The following SLC39A11 variants were observed in gnomAD, a reference collection of about 807,000 sequenced individuals.
SLC39A11 encodes zinc transporter ZIP11.
Under a neutral mutation model 36.1 loss-of-function variants are expected in SLC39A11, and 33 were observed. The observed-to-expected ratio is 0.91, with a 90% CI of 0.69 to 1.22. SLC39A11 has a LOEUF of 1.22. Ranked by LOEUF, SLC39A11 falls within the 50% of genes most tolerant of loss-of-function variation. The probability of loss-of-function intolerance (pLI) is 0.00; values close to 1 mark genes in which losing one functional copy is unlikely to be tolerated. For missense variants in SLC39A11, 432 were observed against 430.3 expected (o/e 1.00, Z -0.03); for synonymous variants, 166 against 170.3 (o/e 0.97, Z 0.20).
At chr17:72,942,035 C>G (rs375136836) in intron 5 of SLC39A11, among the ~76,000 whole-genome samples, 65 of 150,674 alleles carry the variant, frequency 4.3e-4, no homozygotes, top group African/African-American at 1.5e-3. Flanking sequence ...CATGTGCCAC[C>G]ACGCCTGGCT....
chr17:72,940,629 C>T lies in SLC39A11; in HGVS notation c.430+7123G>A, dbSNP rs1252586950. 2.0e-5 allele frequency among the ~76,000 whole-genome samples: 3 copies of T among 152,300 alleles called. No individual in the cohort carries two copies. The East Asian group carries it at 5.8e-4, about 29-fold the overall frequency. ...AGTAACTTTTCAACTTCATTCTACTCTTTTTTCATCCTGCATAGTCTGCAT... is the reference window on the plus strand; with the variant it reads ...AGTAACTTTTCAACTTCATTCTACTTTTTTTTCATCCTGCATAGTCTGCAT... On this transcript the variant is annotated intron_variant, in intron 5 of 9. Transcript: ENST00000255559.
chr17:73,051,251 T>C (rs1032776606), intron 3 of SLC39A11, among the ~76,000 whole-genome samples: 1 of 152,158 alleles, frequency 6.6e-6, no homozygotes, highest in Non-Finnish European at 1.5e-5. Flanking sequence ...CCTCTTCTTA[T>C]AAGGACACCA....
At chr17:72,648,736 A>C (rs982699118) in intron 9 of SLC39A11, 67 bp downstream of exon 9, 2 of 1,589,868 alleles carry the variant, frequency 1.3e-6, no homozygotes. Flanking sequence ...AAGAAAGAGC[A>C]TATCCCAAGG....
intron 4 of SLC39A11, among the ~76,000 whole-genome samples, chr17:72,998,307 C>G (rs924479022): frequency 2.4e-4 from 37 of 152,254 alleles, no homozygotes; most frequent in African/African-American, 8.9e-4. Context: ...GTCTGAAATG[C>G]ATGCCCCACC....
chr17:73,023,897 A>G (rs965273846), intron 4 of SLC39A11, among the ~76,000 whole-genome samples: 5 of 152,224 alleles, frequency 3.3e-5, no homozygotes, highest in African/African-American at 4.8e-5. Flanking sequence ...CACAGAGGCA[A>G]GACTGTGTGA....
chr17:72,716,411 G>A (rs556913889), intron 7 of SLC39A11, among the ~76,000 whole-genome samples: 6 of 151,632 alleles, frequency 4.0e-5, no homozygotes, highest in South Asian at 4.2e-4. Flanking sequence ...CGTGTTTCCC[G>A]TGACAAAGGC....
Position 72,986,002 on chromosome 17 carries a change from A to C in SLC39A11, c.307-38127T>G, listed in dbSNP as rs974712794. 2.0e-5 allele frequency among the ~76,000 whole-genome samples: 3 copies of C among 152,136 alleles called. No homozygotes were observed. The East Asian group carries it at 5.8e-4, about 29-fold the overall frequency. The stretch of plus-strand genomic sequence containing the variant: ...TTATGCTACTAGAAGCCAAGGAACC[A>C]CCAAAAGCTAGGAGAGGGGCTTGGA... On this transcript the variant is annotated intron_variant, in intron 4 of 9. Transcript: ENST00000255559.
intron 4 of SLC39A11, among the ~76,000 whole-genome samples, chr17:73,006,934 G>A (rs944979492): frequency 6.6e-6 from 1 of 152,142 alleles, no homozygotes; most frequent in African/African-American, 2.4e-5. Flanking sequence ...GCTCCAGGCT[G>A]AACACTCACT....
At chr17:72,663,139 G>A (rs899923191) in intron 7 of SLC39A11, among the ~76,000 whole-genome samples, 2 of 152,214 alleles carry the variant, frequency 1.3e-5, no homozygotes, top group African/African-American at 4.8e-5. Flanking sequence ...GCACAACCAA[G>A]CTATGCCTTC....
chr17:72,769,166 G>A (rs551281942), intron 6 of SLC39A11, among the ~76,000 whole-genome samples: 1 of 152,116 alleles, frequency 6.6e-6, no homozygotes, highest in African/African-American at 2.4e-5. Context: ...TTAGCCAGTG[G>A]CTCTGTCTGA....
intron 4 of SLC39A11, among the ~76,000 whole-genome samples, chr17:73,010,159 G>A (rs537131580): frequency 7.2e-5 from 11 of 152,066 alleles, no homozygotes; most frequent in African/African-American, 2.2e-4. Context: ...CAGGTGCCTG[G>A]GCCTCACCCC....
intron 6 of SLC39A11, among the ~76,000 whole-genome samples, chr17:72,793,594 A>T (rs1406743858): frequency 6.6e-6 from 1 of 152,000 alleles, no homozygotes; most frequent in Non-Finnish European, 1.5e-5. Flanking sequence ...TTCTTTTTTT[A>T]ATTTTTTTTT....
chr17:72,903,904 G>C (rs1316237371), intron 5 of SLC39A11, among the ~76,000 whole-genome samples: 1 of 152,048 alleles, frequency 6.6e-6, no homozygotes, highest in African/African-American at 2.4e-5. Flanking sequence ...TGCATAACAG[G>C]AGCAAGTGAG....
chr17:73,054,380 A>G (rs546074155), intron 3 of SLC39A11, among the ~76,000 whole-genome samples: 1 of 151,796 alleles, frequency 6.6e-6, no homozygotes, highest in Non-Finnish European at 1.5e-5. Context: ...AAAAAACAAA[A>G]AAAAAAACTC....
intron 4 of SLC39A11, 73 bp downstream of exon 4, chr17:73,031,483 T>C (rs1598932259): frequency 2.0e-6 from 3 of 1,531,330 alleles, no homozygotes; most frequent in East Asian, 4.5e-5. Flanking sequence ...ATGTCAGGTT[T>C]GATCAGAAAT....
intron 7 of SLC39A11, among the ~76,000 whole-genome samples, chr17:72,700,110 G>A (rs17182644): frequency 0.043 from 6,385 of 149,100 alleles, 162 homozygotes; most frequent in Non-Finnish European, 0.051. Flanking sequence ...GCCATCGTGC[G>A]CCTGGGGCGA....
intron 6 of SLC39A11, among the ~76,000 whole-genome samples, chr17:72,766,684 C>G (rs1471862352): frequency 6.6e-6 from 1 of 152,178 alleles, no homozygotes; most frequent in African/African-American, 2.4e-5. Flanking sequence ...GGCCTCTAAA[C>G]TGGGTCAGAT....
chr17:72,732,775 T>A (rs2074283907), intron 7 of SLC39A11, among the ~76,000 whole-genome samples: 1 of 152,216 alleles, frequency 6.6e-6, no homozygotes, highest in African/African-American at 2.4e-5. Flanking sequence ...GGACTTTATG[T>A]TTGTTCCTGC....
chr17:72,833,008 T>C (rs2078354070), intron 6 of SLC39A11, among the ~76,000 whole-genome samples: 1 of 152,194 alleles, frequency 6.6e-6, no homozygotes, highest in Non-Finnish European at 1.5e-5. Context: ...AACAAAAATC[T>C]TAGAAAAGCT....
Sources: gnomAD v4.1 joint callset for allele counts (sites outside exome capture counted in the v4.1 genomes callset) on GRCh38, gnomAD v4.1.1 for gene constraint, MANE v1.5 for transcripts, NCBI Gene and HGNC (gene_info 2026-07-23, HGNC 2026-07-21) for gene names.